Variants in ACTR5 observed in about 807,000 individuals in gnomAD.
The protein encoded by ACTR5 is actin related protein 5.
Under a neutral mutation model 61.2 loss-of-function variants are expected in ACTR5, and 43 were observed. That is an observed-to-expected ratio of 0.70 (90% CI 0.55 to 0.91). ACTR5 has a LOEUF of 0.91. ACTR5 is among the 40% of genes least tolerant of loss of function. ACTR5 has a pLI of 0.00. For missense variants in ACTR5, 798 were observed against 782.2 expected (o/e 1.02, Z -0.24); for synonymous variants, 333 against 310.5 (o/e 1.07, Z -0.76).
In ACTR5 at chr20:38,765,438, G is replaced by A; in HGVS notation, c.1213G>A (p.Asp405Asn). ...DLEQLEPSLE[D>N]VESMNDFDPL... ...GGAGCAGCTGGAGCCGTCTTTGGAA[G>A]ATGTGGAAAGCATGAATGATTTTGA... Residue 405 changes from aspartate to asparagine, a missense_variant, in exon 6 of 9, where the codon GAT becomes AAT. Asp to Asn is a conservative substitution (Grantham distance 23). Transcript: ENST00000243903. 1 of 1,614,152 alleles carries A rather than the reference G, an allele frequency of 6.2e-7. No individual in the cohort carries two copies. The highest frequency in any genetic ancestry group is 8.5e-7 in the Non-Finnish European group (1 of 1,180,020).
At chr20:38,766,476 T>A in intron 7 of ACTR5, 99 bp downstream of exon 7, 3 of 1,378,652 alleles carry the variant, frequency 2.2e-6, no homozygotes, top group Non-Finnish European at 2.9e-6. Context: ...TGAAAATGCA[T>A]CTCACTCTCT....
chr20:38,759,206 G>A (rs1214102717), intron 5 of ACTR5, among the ~76,000 whole-genome samples: 1 of 152,218 alleles, frequency 6.6e-6, no homozygotes, highest in Non-Finnish European at 1.5e-5. Flanking sequence ...CCAAGATCAG[G>A]GTTGGCCTCT....
At chr20:38,754,714 G>A (rs111481335) in intron 3 of ACTR5, among the ~76,000 whole-genome samples, 2,008 of 151,996 alleles carry the variant, frequency 0.013, 44 homozygotes, top group African/African-American at 0.046. Context: ...CGAGCCTCCC[G>A]AGTACCTGGG....
In ACTR5 at chr20:38,767,496, A is replaced by G; in HGVS notation, c.1466A>G (p.Gln489Arg). 1.9e-6 allele frequency: 3 copies of G among 1,614,022 alleles called. No homozygotes were observed. Among genetic ancestry groups the G allele is most frequent in the Admixed American group, 1.7e-5 (1 of 60,016 alleles). Reference protein sequence around the residue: ...YPKDIQEMLVQNVFLTGGNTM... With the variant: ...YPKDIQEMLVRNVFLTGGNTM... ...AAGGACATTCAGGAAATGCTGGTTC[A>G]GAACGTTTTCCTCACTGGCGGCAAC... Residue 489 changes from glutamine to arginine, a missense_variant, in exon 8 of 9, where the codon CAG becomes CGG. Transcript: ENST00000243903.
chr20:38,768,400 G>A (rs1433404476), intron 8 of ACTR5, among the ~76,000 whole-genome samples: 1 of 152,180 alleles, frequency 6.6e-6, no homozygotes, highest in Non-Finnish European at 1.5e-5. Context: ...TTACAGCTGT[G>A]ACTTACTACA....
rs1190698467 is a variant in ACTR5, at chr20:38,771,773, A to G, written c.1781A>G (p.Lys594Arg). 1 of 1,613,716 alleles carries G rather than the reference A, an allele frequency of 6.2e-7. No individual in the cohort carries two copies. Among genetic ancestry groups the G allele is most frequent in the Non-Finnish European group, 8.5e-7 (1 of 1,179,982 alleles). ...TCCTCAGATGCCCAGGCATCCAGCAAGGGCTCCGCTGCTGGTGGAGGTGGT... is the reference window on the plus strand; with the variant it reads ...TCCTCAGATGCCCAGGCATCCAGCAGGGGCTCCGCTGCTGGTGGAGGTGGT... ...SRSSDAQASS[K>R]GSAAGGGGAG... is the part of the protein sequence containing the mutation. Residue 594 changes from lysine (K) to arginine (R), a missense_variant, in exon 9 of 9, where the codon AAG becomes AGG. Transcript: ENST00000243903.
chr20:38,751,466 A>G (rs1279891566), intron 2 of ACTR5, among the ~76,000 whole-genome samples: 1 of 152,236 alleles, frequency 6.6e-6, no homozygotes, highest in Non-Finnish European at 1.5e-5. Flanking sequence ...CATATTTTAT[A>G]TTGAGAGAAA....
intron 8 of ACTR5, among the ~76,000 whole-genome samples, chr20:38,771,253 C>T (rs542622455): frequency 6.6e-6 from 1 of 152,354 alleles, no homozygotes; most frequent in South Asian, 2.1e-4. Context: ...CACTTCACCT[C>T]TCCCTGACAG....
chr20:38,761,197 A>G (rs1433088751), intron 5 of ACTR5, among the ~76,000 whole-genome samples: 4 of 152,200 alleles, frequency 2.6e-5, no homozygotes, highest in Admixed American at 6.5e-5. Flanking sequence ...CAGGGATTAC[A>G]GGCATGAGTC....
rs773605328 is a variant in ACTR5 at position 38,754,983 on chromosome 20, T to G, written c.802T>G (p.Tyr268Asp). The part of the protein sequence containing the change: ...EELHKWRCPD[Y>D]YENNVHKMQL... ...ATTACACAAATGGCGGTGTCCTGAT[T>G]ATTATGAGAATAATGTCCACAAGAT... Residue 268 changes from tyrosine to aspartate, a missense_variant, in exon 4 of 9, where the codon TAT (tyrosine) becomes GAT (aspartate). By Grantham distance (160) the Tyr-to-Asp change is radical (BLOSUM62 -3). Transcript: ENST00000243903. The G allele has an allele frequency of 6.2e-7, 1 of 1,614,232 alleles. No homozygotes were observed. Among genetic ancestry groups the G allele is most frequent in the Non-Finnish European group, 8.5e-7 (1 of 1,180,040 alleles).
At chr20:38,756,067 C>T (rs963764788) in intron 5 of ACTR5, 28 bp downstream of exon 5, 2 of 1,590,720 alleles carry the variant, frequency 1.3e-6, no homozygotes, top group Non-Finnish European at 1.7e-6. Context: ...AAGGAGCAGC[C>T]CTTCTTGAGG....
At chr20:38,756,241 G>T (rs1601196932) in intron 5 of ACTR5, among the ~76,000 whole-genome samples, 1 of 152,178 alleles carries the variant, frequency 6.6e-6, no homozygotes, top group Admixed American at 6.5e-5. Flanking sequence ...ACCCCTGAGC[G>T]CAGAAAGTGC....
At position 38,766,302 on chromosome 20, in the gene ACTR5, A is replaced by C; in HGVS notation, c.1358A>C (p.Glu453Ala). The change falls in exon 7 of 9, where the codon GAG becomes GCG. Residue 453 changes from glutamate to alanine, a missense_variant. By Grantham distance (107) the Glu-to-Ala change is moderately radical (BLOSUM62 -1). Coordinates refer to ENST00000243903, the MANE Select transcript of ACTR5 (RefSeq NM_024855.4). The part of the protein sequence containing the change: ...FVGTERIRAP[E>A]IIFQPSLIGE... ...GGGACAGAAAGAATTCGAGCTCCAGAGATTATTTTCCAGCCATCTCTCATA... is the reference window on the plus strand; with the variant it reads ...GGGACAGAAAGAATTCGAGCTCCAGCGATTATTTTCCAGCCATCTCTCATA... 1.2e-6 allele frequency: 2 copies of C among 1,614,114 alleles called. No homozygotes were observed. Among genetic ancestry groups the C allele is most frequent in the Non-Finnish European group, 1.7e-6 (2 of 1,179,998 alleles).
chr20:38,751,959 A>G (rs149958182), intron 2 of ACTR5, among the ~76,000 whole-genome samples, 172 bp from the exon 3 acceptor site: 2 of 152,178 alleles, frequency 1.3e-5, no homozygotes, highest in Non-Finnish European at 2.9e-5. Flanking sequence ...GCCTGCCTAG[A>G]TAAGAGGTTA....
intron 1 of ACTR5, 90 bp from the exon 2 acceptor site, chr20:38,749,920 C>A: frequency 8.9e-7 from 1 of 1,125,232 alleles, no homozygotes; most frequent in Admixed American, 2.6e-5. Context: ...AAAGCAAATT[C>A]AGTCCTGCAA....
chr20:38,755,104 T>A lies in ACTR5; in HGVS notation c.923T>A (p.Leu308His), dbSNP rs1172397388. The A allele has an allele frequency of 6.2e-7, 1 of 1,614,128 alleles. No homozygotes were observed. ...RQQQLRRLQE[L>H]NARRREEKLQ... Reference sequence around the variant, plus strand: ...CAGCAATTGCGGCGGCTGCAGGAGCTCAATGCCCGGCGGCGGGAGGAGAAG... The same window carrying A: ...CAGCAATTGCGGCGGCTGCAGGAGCACAATGCCCGGCGGCGGGAGGAGAAG... The change falls in exon 4 of 9, where the codon CTC becomes CAC. Residue 308 changes from leucine to histidine, a missense_variant. Physicochemically the swap from Leu to His is moderately conservative, Grantham distance 99. Coordinates refer to ENST00000243903, the MANE Select transcript of ACTR5 (RefSeq NM_024855.4).
At chr20:38,770,114 C>G (rs1158175067) in intron 8 of ACTR5, among the ~76,000 whole-genome samples, 1 of 152,096 alleles carries the variant, frequency 6.6e-6, no homozygotes, top group Admixed American at 6.5e-5. Context: ...CAGCTCCCCC[C>G]TCCCCTCCTG....
At chr20:38,753,613 C>T (rs2084399935) in intron 3 of ACTR5, among the ~76,000 whole-genome samples, 1 of 152,074 alleles carries the variant, frequency 6.6e-6, no homozygotes, top group Non-Finnish European at 1.5e-5. Context: ...GGGTCATGTG[C>T]TTGCATGGTA....
intron 1 of ACTR5, among the ~76,000 whole-genome samples, chr20:38,749,122 T>A (rs560197927): frequency 2.0e-5 from 3 of 152,356 alleles, no homozygotes; most frequent in African/African-American, 7.2e-5. Flanking sequence ...TCAGGCACTT[T>A]TTAGGCATTT....
Sources: gnomAD v4.1 joint callset for allele counts (sites outside exome capture counted in the v4.1 genomes callset) on GRCh38, gnomAD v4.1.1 for gene constraint, MANE v1.5 for transcripts, NCBI Gene and HGNC (gene_info 2026-07-23, HGNC 2026-07-21) for gene names.